The following MARK4 variants were observed in gnomAD, a reference collection of about 807,000 sequenced individuals.
The protein encoded by MARK4 is MAP/microtubule affinity-regulating kinase 4.
In MARK4, 19 loss-of-function variants were observed where a neutral mutation model predicts 81.5. The observed-to-expected ratio is 0.23, with a 90% CI of 0.16 to 0.34. The LOEUF is 0.34. Ranked by LOEUF, MARK4 falls within the 10% of genes least tolerant of loss-of-function variation. The pLI, the probability that MARK4 is intolerant of heterozygous loss-of-function variation, is 1.00. For synonymous variants in MARK4, 436 were observed against 439.0 expected, an observed-to-expected ratio of 0.99 and a Z score of 0.08; for missense variants, 772 against 1,058.8, an observed-to-expected ratio of 0.73 and a Z score of 3.76.
intron 8 of MARK4, 23 bp from the exon 9 acceptor site, chr19:45,277,900 C>G (rs1158297148): frequency 6.2e-7 from 1 of 1,603,456 alleles, no homozygotes; most frequent in East Asian, 2.2e-5. Flanking sequence ...AGACCCCCTC[C>G]TCCAGTAACC....
chr19:45,253,053 C>T (rs1970264331), intron 1 of MARK4, among the ~76,000 whole-genome samples: 1 of 152,004 alleles, frequency 6.6e-6, no homozygotes, highest in African/African-American at 2.4e-5. Context: ...TCTCTGATCA[C>T]TGATCACTTC....
chr19:45,290,818 C>T (rs566382800), intron 13 of MARK4, among the ~76,000 whole-genome samples: 1 of 152,318 alleles, frequency 6.6e-6, no homozygotes, highest in East Asian at 1.9e-4. Flanking sequence ...AGTCCAGGTT[C>T]AGGGCCCTGG....
In MARK4 at chr19:45,303,434, G is replaced by C. The variant is rs564115211; in HGVS notation, c.*724G>C. ...CAAATGAGTTAAAGAAGAGGCGTGG[G>C]AATCCAGGCAGTGGTTTTTCCTTTC... On this transcript the variant is annotated 3_prime_UTR_variant, in exon 17 of 17. Coordinates refer to ENST00000262891, the MANE Select transcript of MARK4 (RefSeq NM_001199867.2). The C allele has an allele frequency of 6.6e-6, 1 of 152,340 alleles. No homozygotes were observed. The highest frequency in any genetic ancestry group is 2.4e-5 in the African/African-American group (1 of 41,556). 9.4% of individuals were successfully genotyped at this position (152,340 alleles called of 1,614,324 possible). A position where few individuals can be genotyped will look rare whatever the true frequency, so the allele number is the denominator to read the frequency against.
Position 45,287,678 on chromosome 19 carries a change from G to A in MARK4, c.1494+14G>A. On this transcript the variant is annotated intron_variant, in intron 13 of 16. Transcript: ENST00000262891. ...ACGAGCACCCCCGTGAGTGACCAGG[G>A]CTGGGGGGCAGGGCTGGGGGCGCCA... The A allele has an allele frequency of 6.2e-7, 1 of 1,603,256 alleles. No individual in the cohort carries two copies. The highest frequency in any genetic ancestry group is 8.5e-7 in the Non-Finnish European group (1 of 1,174,500).
chr19:45,267,334 C>T (rs1007860391), intron 7 of MARK4, among the ~76,000 whole-genome samples: 8 of 152,132 alleles, frequency 5.3e-5, no homozygotes, highest in African/African-American at 1.7e-4. Context: ...GCTGGGATTA[C>T]AGATGTGAGC....
chr19:45,302,299 A>T lies in MARK4; in HGVS notation c.1923-75A>T. The T allele has an allele frequency of 6.2e-7, 1 of 1,601,612 alleles. No individual in the cohort carries two copies. Among genetic ancestry groups the T allele is most frequent in the Non-Finnish European group, 8.5e-7 (1 of 1,172,588 alleles). ...GGCTAGGAATGTGTCCCGAATTGGGAAGAGTTGTCCCTTCAGCCCTCCACC... is the reference window on the plus strand; with the variant it reads ...GGCTAGGAATGTGTCCCGAATTGGGTAGAGTTGTCCCTTCAGCCCTCCACC... On this transcript the variant is annotated intron_variant, in intron 16 of 16. Transcript: ENST00000262891. The surrounding 1 kb of genome is among the most constrained non-coding windows in gnomAD (Gnocchi z 4.9).
chr19:45,258,972 C>G lies in MARK4; in HGVS notation c.52-17C>G, dbSNP rs1343647905. ...AAGGTGGGATTGGATAGCTCATGCT[C>G]CATCTCCCCCGCCCAGCATGGCACC... On this transcript the variant is annotated splice_polypyrimidine_tract_variant and intron_variant, in intron 1 of 16. Transcript: ENST00000262891. 1 of 1,609,522 alleles carries G rather than the reference C, an allele frequency of 6.2e-7. No homozygotes were observed. The highest frequency in any genetic ancestry group is 1.1e-5 in the South Asian group (1 of 90,704).
chr19:45,275,341 C>G (rs2123061000), intron 8 of MARK4, among the ~76,000 whole-genome samples: 1 of 152,294 alleles, frequency 6.6e-6, no homozygotes, highest in Non-Finnish European at 1.5e-5. Flanking sequence ...TTAAATTAGC[C>G]TGGCATTGTG....
chr19:45,258,881 A>G (rs1313584168), intron 1 of MARK4, 108 bp from the exon 2 acceptor site: 1 of 1,225,880 alleles, frequency 8.2e-7, no homozygotes. Context: ...CCTGAGTTTG[A>G]AAAGGGCCAC....
intron 7 of MARK4, among the ~76,000 whole-genome samples, chr19:45,270,639 G>C (rs1277280555): frequency 6.6e-6 from 1 of 152,058 alleles, no homozygotes; most frequent in Non-Finnish European, 1.5e-5. Context: ...TCACTCTGTT[G>C]CTCAGGCTGG....
chr19:45,265,424 C>T (rs532874616), intron 6 of MARK4, among the ~76,000 whole-genome samples: 3 of 151,760 alleles, frequency 2.0e-5, no homozygotes, highest in African/African-American at 7.3e-5. Flanking sequence ...ATGTGGGTGC[C>T]CGGGTGTGCG....
chr19:45,288,351 G>A (rs1970774483), intron 13 of MARK4: 1 of 152,142 alleles, frequency 6.6e-6, no homozygotes, highest in Non-Finnish European at 1.5e-5. Flanking sequence ...TCAGGAATTT[G>A]AGACCTGCCT....
At chr19:45,266,318 G>A in intron 7 of MARK4, 37 bp downstream of exon 7, 1 of 1,604,264 alleles carries the variant, frequency 6.2e-7, no homozygotes, top group Non-Finnish European at 8.5e-7. Flanking sequence ...AGGGACCACG[G>A]CTCAGCCCAC....
rs146642295 is a variant in MARK4, at chr19:45,285,895, T to A, written c.1277-1552T>A. 6.7e-3 allele frequency among the ~76,000 whole-genome samples: 1,021 copies of A among 152,298 alleles called. 9 individuals are homozygous for A. Among genetic ancestry groups the A allele is most frequent in the African/African-American group, 0.022 (913 of 41,576 alleles). ...AAACAGTAGATTCCTAAGATGTTCCTAGAGACCAGAATTATTTTGTGTTGC... is the reference window on the plus strand; with the variant it reads ...AAACAGTAGATTCCTAAGATGTTCCAAGAGACCAGAATTATTTTGTGTTGC... On this transcript the variant is annotated intron_variant, in intron 12 of 16. Transcript: ENST00000262891.
At chr19:45,278,323 G>A (rs555070036) in intron 9 of MARK4, among the ~76,000 whole-genome samples, 193 bp from the exon 10 acceptor site, 47 of 152,228 alleles carry the variant, frequency 3.1e-4, no homozygotes, top group African/African-American at 7.5e-4. Context: ...CAGATGATGC[G>A]GAGGAGGGAG....
intron 8 of MARK4, among the ~76,000 whole-genome samples, chr19:45,276,311 G>A (rs572586270): frequency 2.0e-5 from 3 of 152,326 alleles, no homozygotes; most frequent in South Asian, 4.1e-4. Context: ...ATAGACATAA[G>A]CCACCACGCC....
Position 45,302,754 on chromosome 19 carries a change from C to T in MARK4, c.*44C>T, listed in dbSNP as rs1281029159. 5 of 1,533,544 alleles carry T rather than the reference C, an allele frequency of 3.3e-6. No individual in the cohort carries two copies. The highest frequency in any genetic ancestry group is 1.7e-4 in the Middle Eastern group (1 of 5,956). The allele number at this position is 1,533,544 out of a possible 1,614,324, so 95.0% of individuals were successfully genotyped here. Reference sequence around the variant, plus strand: ...CCCTTACTCTTCCTCTCCCTTGTCGCCTTCACTTCTACAGGAGGGGAAGGG... The same window carrying T: ...CCCTTACTCTTCCTCTCCCTTGTCGTCTTCACTTCTACAGGAGGGGAAGGG... On this transcript the variant is annotated 3_prime_UTR_variant, in exon 17 of 17. Transcript: ENST00000262891. The surrounding 1 kb of genome is among the most constrained non-coding windows in gnomAD (Gnocchi z 4.9).
Position 45,303,130 on chromosome 19 carries a change from G to T in MARK4, c.*420G>T. ...GGGGACTGGGAGTGGGGGTCAGAGAGGCAGATTCCTTCCCCTCCCGTCCCC... is the reference window on the plus strand; with the variant it reads ...GGGGACTGGGAGTGGGGGTCAGAGATGCAGATTCCTTCCCCTCCCGTCCCC... On this transcript the variant is annotated 3_prime_UTR_variant, in exon 17 of 17. Transcript: ENST00000262891. The T allele has an allele frequency of 4.8e-6, 1 of 207,286 alleles. No individual in the cohort carries two copies. The highest frequency in any genetic ancestry group is 9.7e-6 in the Non-Finnish European group (1 of 102,826). The allele number at this position is 207,286 out of a possible 1,614,324, so 12.8% of individuals were successfully genotyped here. A position where few individuals can be genotyped will look rare whatever the true frequency, so the allele number is the denominator to read the frequency against.
intron 1 of MARK4, among the ~76,000 whole-genome samples, chr19:45,253,525 A>T (rs1362831599): frequency 1.3e-5 from 2 of 152,150 alleles, no homozygotes; most frequent in African/African-American, 4.8e-5. Context: ...GAAGGCTGGC[A>T]CCTAGGAAGC....
Sources: gnomAD v4.1 joint callset for allele counts (sites outside exome capture counted in the v4.1 genomes callset) on GRCh38, gnomAD v4.1.1 for gene constraint, Gnocchi (gnomAD v3.1) non-coding constraint, MANE v1.5 for transcripts, NCBI Gene and HGNC (gene_info 2026-07-23, HGNC 2026-07-21) for gene names.